Variants in SLC12A2 observed in about 807,000 individuals in gnomAD.
SLC12A2 encodes Na-K-2Cl cotransporter 1.
In SLC12A2, 67 loss-of-function variants were observed where a neutral mutation model predicts 136.3. The observed-to-expected ratio is 0.49, with a 90% CI of 0.40 to 0.60. SLC12A2 has a LOEUF of 0.60. Among genes scored for constraint, SLC12A2 ranks in the 20% least tolerant of loss-of-function variants. The probability of loss-of-function intolerance (pLI) is 0.00; values close to 1 mark genes in which losing one functional copy is unlikely to be tolerated. For missense variants in SLC12A2, 1,322 were observed against 1,534.7 expected, an observed-to-expected ratio of 0.86 and a Z score of 2.32; for synonymous variants, 619 against 562.9, an observed-to-expected ratio of 1.10 and a Z score of -1.41.
rs181089951 is a variant in SLC12A2, at chr5:128,113,035, A to G, written c.876+102A>G. 1.9e-4 allele frequency: 200 copies of G among 1,036,472 alleles called. 1 individual carries two copies. In the African/African-American group the frequency reaches 2.0e-3, roughly 10 times the overall value. The allele number at this position is 1,036,472 out of a possible 1,614,324, so 64.2% of individuals were successfully genotyped here. On this transcript the variant is annotated intron_variant, in intron 2 of 26. Transcript: ENST00000262461. The stretch of plus-strand genomic sequence containing the variant: ...TCTCAAGAGAACTCTTTTTTTCTCT[A>G]TGTTAACTGTCTTATCTGAGTGCTG...
Position 128,152,813 on chromosome 5 carries a change from A to G in SLC12A2, c.2363+8A>G. The G allele has an allele frequency of 6.5e-7, 1 of 1,541,654 alleles. No homozygotes were observed. The highest frequency in any genetic ancestry group is 9.0e-7 in the Non-Finnish European group (1 of 1,113,976). Reference sequence around the variant, plus strand: ...CCACGTGAAAAACTTTAGGTAAGTGATAAAGAAGGAAACATGGAAGCATTT... The same window carrying G: ...CCACGTGAAAAACTTTAGGTAAGTGGTAAAGAAGGAAACATGGAAGCATTT... On this transcript the variant is annotated splice_region_variant and intron_variant, in intron 15 of 26. Transcript: ENST00000262461.
At chr5:128,095,372 T>G (rs1012045256) in intron 1 of SLC12A2, among the ~76,000 whole-genome samples, 2 of 152,154 alleles carry the variant, frequency 1.3e-5, no homozygotes, top group Admixed American at 1.3e-4. Flanking sequence ...GGCTGTAGTT[T>G]GTCTTCAAGA....
At chr5:128,128,516 G>A (rs963005565) in intron 4 of SLC12A2, among the ~76,000 whole-genome samples, 1 of 151,888 alleles carries the variant, frequency 6.6e-6, no homozygotes, top group Non-Finnish European at 1.5e-5. Flanking sequence ...AGCATTTTTA[G>A]CGATAACAGA....
At chr5:128,185,170 G>A (rs545595605) in intron 26 of SLC12A2, among the ~76,000 whole-genome samples, 7 of 152,132 alleles carry the variant, frequency 4.6e-5, no homozygotes, top group Non-Finnish European at 8.8e-5. Context: ...TTAAGCACGT[G>A]TGGATAGGAG....
At chr5:128,126,966 A>ATTTTTTTTTT (rs1554105175) in intron 4 of SLC12A2, among the ~76,000 whole-genome samples, 1 of 21,160 alleles carries the variant, frequency 4.7e-5, no homozygotes, top group Non-Finnish European at 7.7e-5. Context: ...ATATATATAT[A>ATTTTTTTTTT]TTTTTTTTTT....
intron 13 of SLC12A2, among the ~76,000 whole-genome samples, chr5:128,150,639 A>T (rs543131883): frequency 2.0e-5 from 3 of 151,874 alleles, no homozygotes; most frequent in South Asian, 2.1e-4. Flanking sequence ...TTATTTTTTT[A>T]AAATAATTTT....
chr5:128,161,848 AG>A, intron 17 of SLC12A2, 48 bp downstream of exon 17: 1 of 1,276,768 alleles, frequency 7.8e-7, no homozygotes, highest in Non-Finnish European at 1.0e-6. Flanking sequence ...GATTTGTATA[AG>A]CTTTTTAAAA....
chr5:128,173,151 A>G (rs1763436234), intron 19 of SLC12A2, among the ~76,000 whole-genome samples: 1 of 152,208 alleles, frequency 6.6e-6, no homozygotes, highest in Admixed American at 6.5e-5. Context: ...TTCTGTATTT[A>G]AACTGTTTTA....
At chr5:128,118,649 G>A (rs1463907976) in intron 4 of SLC12A2, among the ~76,000 whole-genome samples, 3 of 152,064 alleles carry the variant, frequency 2.0e-5, no homozygotes, top group African/African-American at 7.2e-5. Flanking sequence ...GGTGATGAAT[G>A]CACCAAAATC....
rs371217456 is a variant in SLC12A2 at position 128,181,306 on chromosome 5, A to G, written c.3212+312A>G. On this transcript the variant is annotated intron_variant, in intron 23 of 26. Coordinates refer to ENST00000262461, the MANE Select transcript of SLC12A2 (RefSeq NM_001046.3). ...CAGGGAGAAAATGCACAAACGTTAC[A>G]TATTTATATATGAGATAAATTTTGT... Among the ~76,000 whole-genome samples the G allele has an allele frequency of 1.8e-3, 272 of 152,278 alleles. No homozygotes were observed. In the Middle Eastern group the frequency reaches 0.024, roughly 13 times the overall value.
chr5:128,147,862 A>G (rs1311240850), intron 11 of SLC12A2, 133 bp downstream of exon 11: 5 of 487,416 alleles, frequency 1.0e-5, no homozygotes, highest in South Asian at 3.6e-5. Flanking sequence ...ATATATGCAC[A>G]TAAAGATATA....
intron 4 of SLC12A2, among the ~76,000 whole-genome samples, chr5:128,116,362 CAT>C (rs989711833): frequency 2.0e-5 from 3 of 147,604 alleles, no homozygotes; most frequent in Non-Finnish European, 3.0e-5. Context: ...TTGTAGTTTA[CAT>C]ATATATACCA....
At chr5:128,122,042 G>A (rs1359597945) in intron 4 of SLC12A2, among the ~76,000 whole-genome samples, 2 of 152,188 alleles carry the variant, frequency 1.3e-5, no homozygotes. Context: ...ATAAGATGAA[G>A]ACTGTAAATT....
chr5:128,118,379 A>G (rs1018269761), intron 4 of SLC12A2, among the ~76,000 whole-genome samples: 1 of 152,234 alleles, frequency 6.6e-6, no homozygotes, highest in African/African-American at 2.4e-5. Context: ...ACCATGGAAT[A>G]CTATTCAGCC....
At chr5:128,105,326 C>T (rs1011418879) in intron 1 of SLC12A2, among the ~76,000 whole-genome samples, 1 of 152,022 alleles carries the variant, frequency 6.6e-6, no homozygotes, top group Admixed American at 6.6e-5. Flanking sequence ...ATGGAAAATA[C>T]GGGATGAGCA....
At chr5:128,145,534 A>G (rs901549694) in intron 10 of SLC12A2, among the ~76,000 whole-genome samples, 1 of 152,140 alleles carries the variant, frequency 6.6e-6, no homozygotes, top group African/African-American at 2.4e-5. Context: ...CACAGCATAT[A>G]TGTAACTACT....
intron 1 of SLC12A2, among the ~76,000 whole-genome samples, chr5:128,086,474 G>A (rs916748031): frequency 1.3e-5 from 2 of 152,106 alleles, no homozygotes; most frequent in African/African-American, 4.8e-5. Flanking sequence ...TTCAGTGCCT[G>A]GAAAATAATA....
intron 1 of SLC12A2, among the ~76,000 whole-genome samples, chr5:128,085,508 AT>A (rs1458026945): frequency 2.0e-5 from 3 of 152,052 alleles, no homozygotes; most frequent in Non-Finnish European, 2.9e-5. Context: ...TTTTGTAACT[AT>A]TTTTTATGGT....
chr5:128,161,873 G>C lies in SLC12A2; in HGVS notation c.2616+73G>C, dbSNP rs564500687. On this transcript the variant is annotated intron_variant, in intron 17 of 26. Coordinates refer to ENST00000262461, the MANE Select transcript of SLC12A2 (RefSeq NM_001046.3). ...AGCTTTTTAAAACTTTTTAATTCTA[G>C]ATTTCATTCTTCATACTAATAAAAA... 1.9e-4 allele frequency: 199 copies of C among 1,049,926 alleles called. No individual in the cohort carries two copies. The African/African-American group carries it at 3.0e-3, about 16-fold the overall frequency. 65.0% of individuals were successfully genotyped at this position (1,049,926 alleles called of 1,614,324 possible). A position where few individuals can be genotyped will look rare whatever the true frequency, so the allele number is the denominator to read the frequency against.
Sources: allele counts gnomAD v4.1 joint callset (sites outside exome capture counted in the v4.1 genomes callset), GRCh38; gene constraint gnomAD v4.1.1; transcripts MANE v1.5; gene names NCBI Gene and HGNC (gene_info 2026-07-23, HGNC 2026-07-21).